The following THSD7B variants were observed in gnomAD, a reference collection of about 807,000 sequenced individuals.
THSD7B encodes thrombospondin type-1 domain-containing protein 7B.
In THSD7B, 138 loss-of-function variants were observed where a neutral mutation model predicts 213.6. That is an observed-to-expected ratio of 0.65 (90% CI 0.56 to 0.74). The LOEUF (loss-of-function observed/expected upper bound fraction) is 0.74, where lower values mean the gene tolerates loss of function less well. Among genes scored for constraint, THSD7B ranks in the 30% least tolerant of loss-of-function variants. The pLI, the probability that THSD7B is intolerant of heterozygous loss-of-function variation, is 0.00. For missense variants in THSD7B, 1,931 were observed against 1,991.5 expected, an observed-to-expected ratio of 0.97 and a Z score of 0.58; for synonymous variants, 742 against 687.0, an observed-to-expected ratio of 1.08 and a Z score of -1.25.
chr2:137,241,567 G>T (rs1301699237), intron 9 of THSD7B, among the ~76,000 whole-genome samples: 1 of 151,966 alleles, frequency 6.6e-6, no homozygotes, highest in Non-Finnish European at 1.5e-5. Flanking sequence ...GTTATTAACA[G>T]GCTGTCATAT....
chr2:137,375,383 G>A (rs571797250), intron 12 of THSD7B, among the ~76,000 whole-genome samples: 1 of 152,232 alleles, frequency 6.6e-6, no homozygotes, highest in South Asian at 2.1e-4. Context: ...TGTTTACATT[G>A]AAAAATGAAT....
At chr2:137,207,211 C>A (rs1332045151) in intron 7 of THSD7B, among the ~76,000 whole-genome samples, 2 of 151,978 alleles carry the variant, frequency 1.3e-5, no homozygotes, top group Non-Finnish European at 2.9e-5. Context: ...ACAACTTGAC[C>A]AGGTAGAGTT....
chr2:137,362,972 C>T (rs188903200), intron 12 of THSD7B, among the ~76,000 whole-genome samples: 6 of 152,294 alleles, frequency 3.9e-5, no homozygotes, highest in African/African-American at 1.2e-4. Context: ...CCAAAATTGA[C>T]CACATAGTTG....
chr2:137,084,692 T>C (rs1300518510), intron 3 of THSD7B, among the ~76,000 whole-genome samples: 3 of 152,188 alleles, frequency 2.0e-5, no homozygotes, highest in African/African-American at 7.2e-5. Context: ...TTCTAGATGG[T>C]GAATCTATAA....
intron 7 of THSD7B, among the ~76,000 whole-genome samples, chr2:137,228,550 C>T (rs1181569688): frequency 6.6e-6 from 1 of 152,058 alleles, no homozygotes; most frequent in Non-Finnish European, 1.5e-5. Flanking sequence ...CCAAGATAGT[C>T]TTTCTCTTCT....
intron 2 of THSD7B, among the ~76,000 whole-genome samples, chr2:136,986,110 A>G (rs1685668621): frequency 6.6e-6 from 1 of 152,164 alleles, no homozygotes; most frequent in South Asian, 2.1e-4. Flanking sequence ...ACAGGCTCAT[A>G]GGTGGAAGGA....
intron 12 of THSD7B, among the ~76,000 whole-genome samples, chr2:137,372,500 A>G (rs187071312): frequency 1.4e-4 from 21 of 151,962 alleles, no homozygotes; most frequent in Admixed American, 5.2e-4. Flanking sequence ...AGGCAAAGGT[A>G]TAAATCAATA....
At chr2:137,400,750 G>T (rs1686335267) in intron 12 of THSD7B, among the ~76,000 whole-genome samples, 3 of 152,220 alleles carry the variant, frequency 2.0e-5, no homozygotes, top group African/African-American at 7.2e-5. Context: ...ATAGTGGTAG[G>T]ATTTATGCCC....
At chr2:137,072,419 T>C (rs930815417) in intron 3 of THSD7B, among the ~76,000 whole-genome samples, 3 of 152,150 alleles carry the variant, frequency 2.0e-5, no homozygotes, top group African/African-American at 7.2e-5. Context: ...GTTATTGGTG[T>C]ATAAGAATGC....
rs75790269 is a variant in THSD7B at position 137,355,887 on chromosome 2, A to T, written c.2501-49726A>T. ...GTGAGCGCTCTGTAAAGCTAGGCTA[A>T]CGCTATGCTTCTTTGCCCATCTGCC... On this transcript the variant is annotated intron_variant, in intron 12 of 27. Coordinates refer to ENST00000409968, the MANE Select transcript of THSD7B (RefSeq NM_001316349.2). Among the ~76,000 whole-genome samples the T allele has an allele frequency of 8.1e-3, 1,235 of 152,306 alleles. 20 individuals carry two copies. The highest frequency in any genetic ancestry group is 0.028 in the African/African-American group (1,159 of 41,572).
chr2:136,860,016 A>ATTTTT (rs3084113), intron 1 of THSD7B, among the ~76,000 whole-genome samples: 4,896 of 120,376 alleles, frequency 0.041, 300 homozygotes, highest in East Asian at 0.14. Context: ...ACAATTCATG[A>ATTTTT]TTTTTTTTTT....
At chr2:137,571,750 C>A (rs1366311703) in intron 16 of THSD7B, among the ~76,000 whole-genome samples, 1 of 152,144 alleles carries the variant, frequency 6.6e-6, no homozygotes, top group Non-Finnish European at 1.5e-5. Context: ...GTAGGCCAAG[C>A]ACCCATGATG....
chr2:137,610,782 C>G (rs1428130733), intron 17 of THSD7B, among the ~76,000 whole-genome samples: 1 of 151,670 alleles, frequency 6.6e-6, no homozygotes, highest in Non-Finnish European at 1.5e-5. Flanking sequence ...CTTTAGATGT[C>G]ATATAATTGA....
rs544107951 is a variant in THSD7B, at chr2:137,131,459, C to T, written c.1369+16166C>T. Among the ~76,000 whole-genome samples the T allele has an allele frequency of 2.2e-4, 34 of 152,268 alleles. No homozygotes were observed. The South Asian group carries it at 7.0e-3, about 32-fold the overall frequency. On this transcript the variant is annotated intron_variant, in intron 5 of 27. Transcript: ENST00000409968. Reference sequence around the variant, plus strand: ...TTAGACATGAAGTCCTTGCCCATGCCTATGTCCTGAATGGTAATGCCTAGG... The same window carrying T: ...TTAGACATGAAGTCCTTGCCCATGCTTATGTCCTGAATGGTAATGCCTAGG...
chr2:137,124,312 A>G (rs574460222), intron 5 of THSD7B, among the ~76,000 whole-genome samples: 1 of 152,336 alleles, frequency 6.6e-6, no homozygotes, highest in East Asian at 1.9e-4. Context: ...AGCTTTGTTA[A>G]GTTTGCCAAT....
chr2:137,079,253 A>G (rs1687694103), intron 3 of THSD7B, among the ~76,000 whole-genome samples: 1 of 152,040 alleles, frequency 6.6e-6, no homozygotes, highest in Admixed American at 6.6e-5. Context: ...TACTTAATTG[A>G]TTATATTTTT....
intron 2 of THSD7B, among the ~76,000 whole-genome samples, chr2:137,039,235 T>C (rs1333258714): frequency 6.6e-6 from 1 of 152,166 alleles, no homozygotes. Flanking sequence ...CCCTTATTAC[T>C]GCTGAGATCC....
chr2:137,587,254 T>A (rs1681754690), intron 17 of THSD7B, among the ~76,000 whole-genome samples: 1 of 152,136 alleles, frequency 6.6e-6, no homozygotes, highest in Admixed American at 6.5e-5. Flanking sequence ...TTTTTCAAGG[T>A]TTTTAGCTTC....
At chr2:137,062,956 C>T (rs79580651) in intron 3 of THSD7B, among the ~76,000 whole-genome samples, 2,495 of 151,798 alleles carry the variant, frequency 0.016, 69 homozygotes, top group African/African-American at 0.057. Flanking sequence ...TATAACAGAC[C>T]TTGCCTCATA....
Sources: allele counts gnomAD v4.1 joint callset (sites outside exome capture counted in the v4.1 genomes callset), GRCh38; gene constraint gnomAD v4.1.1; transcripts MANE v1.5; gene names NCBI Gene and HGNC (gene_info 2026-07-23, HGNC 2026-07-21).